Variants in DLG2 observed in about 807,000 individuals in gnomAD.
DLG2 encodes the protein discs large MAGUK scaffold protein 2.
A neutral mutation model predicts 132.5 loss-of-function variants in DLG2; 45 were observed. The ratio of observed to expected loss-of-function variants is 0.34; its 90% CI spans 0.27 to 0.44. The LOEUF is 0.44. DLG2 is among the 20% of genes least tolerant of loss of function. The pLI, the probability that DLG2 is intolerant of heterozygous loss-of-function variation, is 1.00. For missense variants in DLG2, 1,045 were observed against 1,196.9 expected (o/e 0.87, Z 1.87); for synonymous variants, 424 against 419.6 (o/e 1.01, Z -0.13).
At chr11:84,165,150 G>A (rs1161308069) in intron 8 of DLG2, among the ~76,000 whole-genome samples, 1 of 152,158 alleles carries the variant, frequency 6.6e-6, no homozygotes, top group Non-Finnish European at 1.5e-5. Flanking sequence ...ATGGCTCCAT[G>A]AGGCTTTTCT....
chr11:85,201,547 C>A (rs1313290106), intron 4 of DLG2, among the ~76,000 whole-genome samples: 1 of 152,184 alleles, frequency 6.6e-6, no homozygotes, highest in East Asian at 1.9e-4. Context: ...CCCTTTAGTA[C>A]TGGGGTAGCT....
chr11:84,877,091 T>G (rs887850010), intron 6 of DLG2, among the ~76,000 whole-genome samples: 1 of 152,140 alleles, frequency 6.6e-6, no homozygotes, highest in Non-Finnish European at 1.5e-5. Flanking sequence ...TGCTGAGAAG[T>G]GTTTTACTTC....
At chr11:84,931,961 G>A (rs1439755700) in intron 6 of DLG2, among the ~76,000 whole-genome samples, 1 of 152,090 alleles carries the variant, frequency 6.6e-6, no homozygotes, top group Non-Finnish European at 1.5e-5. Flanking sequence ...TTTTAATGGG[G>A]CTGTTTGCTT....
intron 6 of DLG2, among the ~76,000 whole-genome samples, chr11:84,784,563 T>C (rs948043398): frequency 1.3e-5 from 2 of 152,048 alleles, no homozygotes; most frequent in African/African-American, 2.4e-5. Context: ...CTCCCTCAGA[T>C]TATTTTGAAG....
At chr11:84,273,942 G>T (rs988947292) in intron 7 of DLG2, among the ~76,000 whole-genome samples, 1 of 152,048 alleles carries the variant, frequency 6.6e-6, no homozygotes, top group African/African-American at 2.4e-5. Flanking sequence ...GTAACTAGAA[G>T]AACTTTATGT....
intron 6 of DLG2, among the ~76,000 whole-genome samples, chr11:84,565,854 A>T (rs2099452019): frequency 3.3e-5 from 5 of 152,082 alleles, no homozygotes; most frequent in Admixed American, 2.6e-4. Context: ...TTTGATGATC[A>T]CTAGAATGAT....
In DLG2 at chr11:84,163,443, T is replaced by C. The variant is rs1481344276; in HGVS notation, c.624+18A>G. Reference sequence around the variant, plus strand: ...AATGCAAGATTGGGGCTTTGGATTTTTCAAAATTTTTTCTTACCCTCTCCA... The same window carrying C: ...AATGCAAGATTGGGGCTTTGGATTTCTCAAAATTTTTTCTTACCCTCTCCA... On this transcript the variant is annotated intron_variant, in intron 9 of 27. Coordinates refer to ENST00000376104, the MANE Select transcript of DLG2 (RefSeq NM_001142699.3). The C allele has an allele frequency of 5.0e-6, 8 of 1,596,758 alleles. No individual in the cohort carries two copies. The highest frequency in any genetic ancestry group is 6.0e-6 in the Non-Finnish European group (7 of 1,171,990).
At chr11:84,065,351 A>T (rs1192041875) in intron 10 of DLG2, among the ~76,000 whole-genome samples, 2 of 152,202 alleles carry the variant, frequency 1.3e-5, no homozygotes, top group African/African-American at 4.8e-5. Context: ...AGAATCTATA[A>T]GGAACTTAAA....
At chr11:85,017,400 T>C (rs1158405785) in intron 6 of DLG2, among the ~76,000 whole-genome samples, 1 of 151,774 alleles carries the variant, frequency 6.6e-6, no homozygotes, top group African/African-American at 2.4e-5. Flanking sequence ...TTTTTGCCCC[T>C]ACTACTTTGT....
In DLG2 at chr11:83,530,247, A is replaced by C. The variant is rs571539251; in HGVS notation, c.2193+2461T>G. Among the ~76,000 whole-genome samples the C allele has an allele frequency of 1.2e-4, 18 of 152,038 alleles. No individual in the cohort carries two copies. The South Asian group carries it at 3.7e-3, about 32-fold the overall frequency. ...TTATGTCATGATGTCACATACCCTC[A>C]CTTCTATGTAGAATGACATCCTATG... On this transcript the variant is annotated intron_variant, in intron 21 of 27. Coordinates refer to ENST00000376104, the MANE Select transcript of DLG2 (RefSeq NM_001142699.3).
chr11:84,463,596 C>T (rs1184345167), intron 7 of DLG2, among the ~76,000 whole-genome samples: 1 of 151,148 alleles, frequency 6.6e-6, no homozygotes, highest in Non-Finnish European at 1.5e-5. Flanking sequence ...ACTGCCCCCA[C>T]TATCTGGGTG....
At chr11:84,907,891 G>A (rs2091693264) in intron 6 of DLG2, among the ~76,000 whole-genome samples, 1 of 152,180 alleles carries the variant, frequency 6.6e-6, no homozygotes, top group Non-Finnish European at 1.5e-5. Context: ...CTGTAGTTGA[G>A]TGTTGAAACT....
At chr11:85,613,056 G>A (rs537378122) in intron 2 of DLG2, among the ~76,000 whole-genome samples, 115 of 152,238 alleles carry the variant, frequency 7.6e-4, no homozygotes, top group South Asian at 2.7e-3. Flanking sequence ...GCTGTCCGGC[G>A]TTTATAGGAA....
chr11:84,532,117 AT>A (rs67139617), intron 7 of DLG2, among the ~76,000 whole-genome samples: 7,340 of 104,416 alleles, frequency 0.07, 240 homozygotes, highest in African/African-American at 0.12. Flanking sequence ...TGTTCTGTTC[AT>A]TTTTTTTTTT....
intron 7 of DLG2, among the ~76,000 whole-genome samples, chr11:84,386,340 G>T (rs1264158684): frequency 6.6e-6 from 1 of 151,688 alleles, no homozygotes; most frequent in African/African-American, 2.4e-5. Flanking sequence ...ATATCCTTTT[G>T]GTATGTTTGA....
chr11:84,963,118 C>A (rs570499912), intron 6 of DLG2, among the ~76,000 whole-genome samples: 12 of 152,156 alleles, frequency 7.9e-5, no homozygotes, highest in Admixed American at 3.9e-4. Flanking sequence ...TGTCTAATTA[C>A]CTTTCACAAC....
intron 3 of DLG2, among the ~76,000 whole-genome samples, chr11:85,322,817 C>G (rs1433897580): frequency 2.0e-5 from 3 of 152,088 alleles, no homozygotes; most frequent in Non-Finnish European, 2.9e-5. Context: ...TAATAAATAT[C>G]TCTTGATTTG....
At chr11:84,635,739 T>G (rs1183262274) in intron 6 of DLG2, among the ~76,000 whole-genome samples, 1 of 152,096 alleles carries the variant, frequency 6.6e-6, no homozygotes, top group African/African-American at 2.4e-5. Flanking sequence ...TTCCTCATTT[T>G]ACAGATGAGG....
chr11:84,549,388 G>A (rs924178688), intron 6 of DLG2, among the ~76,000 whole-genome samples: 1 of 152,190 alleles, frequency 6.6e-6, no homozygotes, highest in African/African-American at 2.4e-5. Flanking sequence ...CACCAGCTGT[G>A]CAACTGCTAC....
Sources: allele counts gnomAD v4.1 joint callset (sites outside exome capture counted in the v4.1 genomes callset), GRCh38; gene constraint gnomAD v4.1.1; transcripts MANE v1.5; gene names NCBI Gene and HGNC (gene_info 2026-07-23, HGNC 2026-07-21).